The following PKD1L1 variants were observed in gnomAD, a reference collection of about 807,000 sequenced individuals.
PKD1L1 encodes the protein polycystin-1-like protein 1.
Under a neutral mutation model 323.4 loss-of-function variants are expected in PKD1L1, and 236 were observed. The observed-to-expected ratio is 0.73, with a 90% confidence interval of 0.66 to 0.81. The LOEUF is 0.81. Ranked by LOEUF, PKD1L1 falls within the 40% of genes least tolerant of loss-of-function variation. PKD1L1 has a pLI of 0.00. For missense variants in PKD1L1, 3,320 were observed against 3,508.0 expected (o/e 0.95, Z 1.35); for synonymous variants, 1,344 against 1,335.0 (o/e 1.01, Z -0.15).
At chr7:47,796,717 G>A (rs1784542537) in intron 54 of PKD1L1, among the ~76,000 whole-genome samples, 1 of 152,122 alleles carries the variant, frequency 6.6e-6, no homozygotes, top group Admixed American at 6.5e-5. Flanking sequence ...GCTGGGCGCA[G>A]TGGCTCATGC....
chr7:47,955,721 A>AT, the PKD1L1 span, among the ~76,000 whole-genome samples: 1 of 152,200 alleles, frequency 6.6e-6, no homozygotes, highest in Non-Finnish European at 1.5e-5. Context: ...GTAAATTCCT[A>AT]TAAGTATTGA....
intron 42 of PKD1L1, 108 bp from the exon 43 acceptor site, chr7:47,830,232 G>T: frequency 1.1e-6 from 1 of 874,730 alleles, no homozygotes; most frequent in Non-Finnish European, 1.8e-6. Context: ...CTATGGCCTC[G>T]CCGTGGCAGG....
chr7:47,857,759 C>T lies in PKD1L1; in HGVS notation c.4436G>A (p.Ser1479Asn). ...FRTLLHYNLQSSVQSLGSVQV... is the reference protein window; with the variant it reads ...FRTLLHYNLQNSVQSLGSVQV... ...GACAGATCCCAGGCTCTGGACAGAG[C>T]TCTGAAGGTTGTAATGAAGAAGGGT... The change falls in exon 28 of 57, where the codon AGC becomes AAC. Residue 1479 changes from serine to asparagine, a missense_variant. Coordinates refer to ENST00000289672, the MANE Select transcript of PKD1L1 (RefSeq NM_138295.5). 6.2e-7 allele frequency: 1 copy of T among 1,614,184 alleles called. No homozygotes were observed. Among genetic ancestry groups the T allele is most frequent in the Non-Finnish European group, 8.5e-7 (1 of 1,180,040 alleles).
chr7:47,839,463 C>G lies in PKD1L1; in HGVS notation c.5752G>C (p.Gly1918Arg). Residue 1918 changes from glycine to arginine, a missense_variant, in exon 36 of 57, where the codon GGA becomes CGA. Gly to Arg is a moderately radical substitution (Grantham distance 125). Transcript: ENST00000289672. The surrounding 1 kb of genome is among the most constrained non-coding windows in gnomAD (Gnocchi z 4.3). ...VERELTCLQG[G>R]LGFRKLFYCK... ...GAGCCTACCTTCCGGAAGCCGAGTC[C>G]CCCTTGCAGACAGGTGAGCTCCCGC... The G allele has an allele frequency of 6.2e-7, 1 of 1,610,456 alleles. No homozygotes were observed. The highest frequency in any genetic ancestry group is 8.5e-7 in the Non-Finnish European group (1 of 1,178,412).
At chr7:47,953,294 G>A (rs1229793299), upstream of PKD1L1, among the ~76,000 whole-genome samples, 11 of 152,128 alleles carry the variant, frequency 7.2e-5, no homozygotes, top group Non-Finnish European at 1.0e-4. Context: ...ACAATTATCC[G>A]TATCATCTCA....
At chr7:47,921,238 C>CAAAAAAAAAAAA (rs139205889) in intron 7 of PKD1L1, among the ~76,000 whole-genome samples, 9 of 79,564 alleles carry the variant, frequency 1.1e-4, no homozygotes, top group Non-Finnish European at 1.6e-4. Context: ...AGACAATTCT[C>CAAAAAAAAAAAA]AAAAAAAAAA....
Position 47,825,579 on chromosome 7 carries a change from C to T in PKD1L1, c.6854+1771G>A, listed in dbSNP as rs866712681. On this transcript the variant is annotated intron_variant, in intron 45 of 56. Transcript: ENST00000289672. ...TAAAACTTTGTTACAAGTATTTTTT[C>T]CTAGTTTGTCACTGCCATTTTATTT... Among the ~76,000 whole-genome samples the T allele has an allele frequency of 2.6e-4, 39 of 148,506 alleles. 1 individual carries two copies. Among genetic ancestry groups the T allele is most frequent in the African/African-American group, 7.1e-4 (29 of 40,730 alleles).
intron 15 of PKD1L1, among the ~76,000 whole-genome samples, chr7:47,892,458 C>G (rs375403387): frequency 1.4e-4 from 21 of 152,124 alleles, no homozygotes; most frequent in African/African-American, 4.1e-4. Flanking sequence ...ACTGTGAGGA[C>G]GTTGGCTTTT....
In PKD1L1 at chr7:47,847,034, G is replaced by A. The variant is rs138821074; in HGVS notation, c.4998C>T (p.Asp1666=). ...ATCTGTTTGGAGGTTTTCTGTCATA[G>A]TCAGCATCCAATAAGGATAAATAGC... ...SVGYLSLLDA[D]YDRKPPNRYL... Residue 1666 remains aspartate, a synonymous_variant, in exon 32 of 57, where the codon GAC becomes GAT. Coordinates refer to ENST00000289672, the MANE Select transcript of PKD1L1 (RefSeq NM_138295.5). The A allele has an allele frequency of 3.6e-5, 58 of 1,607,186 alleles. No individual in the cohort carries two copies. The highest frequency in any genetic ancestry group is 4.6e-5 in the Non-Finnish European group (54 of 1,177,824).
At chr7:47,798,341 G>A (rs1332397859) in intron 54 of PKD1L1, among the ~76,000 whole-genome samples, 1 of 152,182 alleles carries the variant, frequency 6.6e-6, no homozygotes, top group Non-Finnish European at 1.5e-5. Context: ...CAAAAAAATT[G>A]TGCTGGAAAA....
chr7:47,866,544 T>A lies in PKD1L1; in HGVS notation c.3967A>T (p.Ile1323Phe), dbSNP rs779418982. ...MGSYTEIRNY[I>F]TVITRILSRL... Reference sequence around the variant, plus strand: ...CTCAGGATTCTGGTGATCACAGTGATGTAGTTCCTGATTTCTGTGTAACTC... The same window carrying A: ...CTCAGGATTCTGGTGATCACAGTGAAGTAGTTCCTGATTTCTGTGTAACTC... Residue 1323 changes from isoleucine (I) to phenylalanine (F), a missense_variant, in exon 25 of 57, where the codon ATC (isoleucine) becomes TTC (phenylalanine). By Grantham distance (21) the Ile-to-Phe change is conservative (BLOSUM62 0). Transcript: ENST00000289672. 1 of 1,613,826 alleles carries A rather than the reference T, an allele frequency of 6.2e-7. No homozygotes were observed. Among genetic ancestry groups the A allele is most frequent in the Admixed American group, 1.7e-5 (1 of 59,986 alleles).
intron 13 of PKD1L1, among the ~76,000 whole-genome samples, chr7:47,899,424 A>G (rs934801164): frequency 1.3e-5 from 2 of 151,360 alleles, no homozygotes; most frequent in Admixed American, 1.3e-4. Context: ...TATGGGGGGG[A>G]ATATTAGTGT....
intron 2 of PKD1L1, among the ~76,000 whole-genome samples, chr7:47,942,281 G>C (rs1378352573): frequency 6.6e-6 from 1 of 152,164 alleles, no homozygotes; most frequent in Non-Finnish European, 1.5e-5. Context: ...CAGTCTTCAT[G>C]ATGATTATGC....
chr7:47,957,723 C>T, the PKD1L1 span, among the ~76,000 whole-genome samples: 22,955 of 151,546 alleles, frequency 0.15, 1,770 homozygotes, highest in South Asian at 0.17. Context: ...GGCAAACTCG[C>T]GAGCTCAAGC....
chr7:47,785,611 A>G (rs2128722131), intron 56 of PKD1L1, among the ~76,000 whole-genome samples: 1 of 152,230 alleles, frequency 6.6e-6, no homozygotes, highest in Non-Finnish European at 1.5e-5. Flanking sequence ...TCACCCAGCC[A>G]GTAGTTAAAA....
In PKD1L1 at chr7:47,866,569, C is replaced by T. The variant is rs776263468; in HGVS notation, c.3942G>A (p.Gly1314=). The change falls in exon 25 of 57, where the codon GGG becomes GGA. Residue 1314 remains glycine, a synonymous_variant. Transcript: ENST00000289672. ...TGTAGTTCCTGATTTCTGTGTAACTCCCCATCAGCTGGAGGGTAGAAAGGT... is the reference window on the plus strand; with the variant it reads ...TGTAGTTCCTGATTTCTGTGTAACTTCCCATCAGCTGGAGGGTAGAAAGGT... ...LKNLSTLQLM[G]SYTEIRNYIT... is the part of the protein sequence containing the mutation. 22 of 1,611,524 alleles carry T rather than the reference C, an allele frequency of 1.4e-5. No homozygotes were observed. The highest frequency in any genetic ancestry group is 1.9e-5 in the Non-Finnish European group (22 of 1,178,650).
intron 56 of PKD1L1, among the ~76,000 whole-genome samples, chr7:47,785,876 G>T (rs1786795315): frequency 2.6e-5 from 4 of 151,768 alleles, no homozygotes; most frequent in African/African-American, 4.8e-5. Context: ...TGAGTAGCTG[G>T]GATTATAGGC....
intron 54 of PKD1L1, among the ~76,000 whole-genome samples, chr7:47,799,410 G>A (rs1348711630): frequency 6.6e-6 from 1 of 152,170 alleles, no homozygotes; most frequent in Admixed American, 6.5e-5. Flanking sequence ...GACTTTTAAG[G>A]ACTGCAGAGA....
intron 7 of PKD1L1, among the ~76,000 whole-genome samples, chr7:47,922,173 C>A (rs1228479125): frequency 6.6e-6 from 1 of 152,236 alleles, no homozygotes; most frequent in Non-Finnish European, 1.5e-5. Context: ...CTCGGCCTCC[C>A]GAGGTGCCGG....
Sources: gnomAD v4.1 joint callset for allele counts (sites outside exome capture counted in the v4.1 genomes callset) on GRCh38, gnomAD v4.1.1 for gene constraint, Gnocchi (gnomAD v3.1) non-coding constraint, MANE v1.5 for transcripts, NCBI Gene and HGNC (gene_info 2026-07-23, HGNC 2026-07-21) for gene names.